The following TTLL11 variants were observed in gnomAD, a reference collection of about 807,000 sequenced individuals.
TTLL11 encodes tubulin polyglutamylase TTLL11.
A neutral mutation model predicts 51.7 loss-of-function variants in TTLL11; 42 were observed. The ratio of observed to expected loss-of-function variants is 0.81; its 90% CI spans 0.64 to 1.05. The LOEUF (loss-of-function observed/expected upper bound fraction) is 1.05, where lower values mean the gene tolerates loss of function less well. TTLL11 is among the 50% of genes least tolerant of loss of function. The pLI, the probability that TTLL11 is intolerant of heterozygous loss-of-function variation, is 0.00. For missense variants in TTLL11, 799 were observed against 940.4 expected, an observed-to-expected ratio of 0.85 and a Z score of 1.97; for synonymous variants, 381 against 383.5, an observed-to-expected ratio of 0.99 and a Z score of 0.08.
chr9:121,935,038 T>C (rs1033045754), intron 6 of TTLL11, among the ~76,000 whole-genome samples: 2 of 152,188 alleles, frequency 1.3e-5, no homozygotes, highest in South Asian at 4.1e-4. Flanking sequence ...CACTGCAACC[T>C]CCACCTCCTG....
chr9:122,068,229 T>C (rs912115150), intron 1 of TTLL11, among the ~76,000 whole-genome samples: 5 of 151,900 alleles, frequency 3.3e-5, no homozygotes, highest in Admixed American at 1.3e-4. Flanking sequence ...CAGAATCGAG[T>C]GGATTATATT....
intron 1 of TTLL11, among the ~76,000 whole-genome samples, chr9:122,063,572 G>A (rs897456397): frequency 2.6e-5 from 4 of 152,160 alleles, no homozygotes; most frequent in Non-Finnish European, 4.4e-5. Context: ...CCTGTATTTC[G>A]TTTAGTGGCT....
At chr9:121,825,183 T>C (rs922454516) in intron 8 of TTLL11, among the ~76,000 whole-genome samples, 2 of 152,102 alleles carry the variant, frequency 1.3e-5, no homozygotes, top group African/African-American at 4.8e-5. Context: ...AGGCCTCTCA[T>C]AGGGTGGGCG....
chr9:122,014,366 A>G (rs1843903775), intron 3 of TTLL11, among the ~76,000 whole-genome samples: 1 of 152,180 alleles, frequency 6.6e-6, no homozygotes, highest in Non-Finnish European at 1.5e-5. Context: ...CTGTCTCAAA[A>G]AAATAAAAAT....
intron 4 of TTLL11, chr9:121,988,939 C>T (rs1843011517): frequency 2.7e-6 from 2 of 745,786 alleles, no homozygotes; most frequent in Non-Finnish European, 2.0e-6. Context: ...TTAATTCTTA[C>T]AAGAACCTTT....
intron 6 of TTLL11, among the ~76,000 whole-genome samples, chr9:121,965,631 T>C (rs1224752442): frequency 1.3e-5 from 2 of 152,186 alleles, no homozygotes; most frequent in African/African-American, 4.8e-5. Flanking sequence ...AGTGCACACA[T>C]GAATGGGCCA....
intron 1 of TTLL11, among the ~76,000 whole-genome samples, chr9:122,082,649 T>C (rs1003120336): frequency 1.3e-5 from 2 of 152,152 alleles, no homozygotes; most frequent in East Asian, 1.9e-4. Context: ...AATGAATCTA[T>C]ATATATTAAC....
At chr9:121,999,670 TA>T (rs1324482035) in intron 3 of TTLL11, among the ~76,000 whole-genome samples, 3 of 152,184 alleles carry the variant, frequency 2.0e-5, no homozygotes, top group Non-Finnish European at 4.4e-5. Flanking sequence ...CCCTGTGAGA[TA>T]GGCATTAAAG....
intron 8 of TTLL11, among the ~76,000 whole-genome samples, chr9:121,824,837 G>C (rs542981047): frequency 1.3e-5 from 2 of 152,216 alleles, no homozygotes; most frequent in Admixed American, 6.5e-5. Context: ...CTGGCACTGG[G>C]GGCAGCAGCC....
intron 6 of TTLL11, chr9:121,884,716 GA>G (rs1190415856): frequency 6.6e-6 from 1 of 152,186 alleles, no homozygotes; most frequent in Non-Finnish European, 1.5e-5. Context: ...GTTCAAACCA[GA>G]AGAGGGAACA....
At chr9:122,086,490 G>T (rs1025903295) in intron 1 of TTLL11, among the ~76,000 whole-genome samples, 3 of 152,024 alleles carry the variant, frequency 2.0e-5, no homozygotes, top group Non-Finnish European at 2.9e-5. Context: ...AAATAGAAAG[G>T]GAGGAAAGAT....
At chr9:122,036,654 T>A (rs1588227345) in intron 2 of TTLL11, among the ~76,000 whole-genome samples, 1 of 152,244 alleles carries the variant, frequency 6.6e-6, no homozygotes, top group East Asian at 1.9e-4. Flanking sequence ...CCGTTCTCAG[T>A]TGACCCAGCA....
intron 6 of TTLL11, among the ~76,000 whole-genome samples, chr9:121,881,079 A>G (rs1401434598): frequency 6.6e-6 from 1 of 152,230 alleles, no homozygotes; most frequent in Non-Finnish European, 1.5e-5. Context: ...GAGACTGTCT[A>G]TATGACAACT....
At position 121,984,028 on chromosome 9, in the gene TTLL11, G is replaced by C. The variant is rs775134559; in HGVS notation, c.1269+5167C>G. On this transcript the variant is annotated intron_variant, in intron 4 of 8. Coordinates refer to ENST00000321582, the MANE Select transcript of TTLL11 (RefSeq NM_001139442.2). ...TTCAAGAAACAGCAAGAATGAGAGA[G>C]AGCATGCCAGGTCAGCCGAGACAGA... is the stretch of plus-strand genomic sequence containing the variant. 6.6e-5 allele frequency among the ~76,000 whole-genome samples: 10 copies of C among 152,294 alleles called. 1 individual carries two copies. The highest frequency in any genetic ancestry group is 6.8e-3 in the Middle Eastern group (2 of 294).
In TTLL11 at chr9:122,089,661, T is replaced by C. The variant is rs541999782; in HGVS notation, c.462+3026A>G. 2.0e-5 allele frequency among the ~76,000 whole-genome samples: 3 copies of C among 152,336 alleles called. No homozygotes were observed. In the East Asian group the frequency reaches 5.8e-4, roughly 29 times the overall value. On this transcript the variant is annotated intron_variant, in intron 1 of 8. Coordinates refer to ENST00000321582, the MANE Select transcript of TTLL11 (RefSeq NM_001139442.2). Reference sequence around the variant, plus strand: ...TTTATTGAGCACCTAGAATATGCTGTGCATTAGGGACATAAGTCAGATACC... The same window carrying C: ...TTTATTGAGCACCTAGAATATGCTGCGCATTAGGGACATAAGTCAGATACC...
intron 6 of TTLL11, among the ~76,000 whole-genome samples, chr9:121,876,194 T>A (rs982052516): frequency 1.3e-5 from 2 of 152,244 alleles, no homozygotes; most frequent in East Asian, 1.9e-4. Context: ...GTTCACTATA[T>A]AGCTTTTGTG....
At chr9:122,088,468 A>G (rs1471181812) in intron 1 of TTLL11, among the ~76,000 whole-genome samples, 2 of 152,236 alleles carry the variant, frequency 1.3e-5, no homozygotes, top group African/African-American at 4.8e-5. Context: ...AATGGAATGC[A>G]TATTTCAAAT....
rs577895749 is a variant in TTLL11, at chr9:121,818,448, G to C, written c.*4139C>G. 1 of 152,164 alleles carries C rather than the reference G, an allele frequency of 6.6e-6. No individual in the cohort carries two copies. Among genetic ancestry groups the C allele is most frequent in the African/African-American group, 2.4e-5 (1 of 41,362 alleles). 9.4% of individuals were successfully genotyped at this position (152,164 alleles called of 1,614,324 possible). A position where few individuals can be genotyped will look rare whatever the true frequency, so the allele number is the denominator to read the frequency against. ...TCTCCTCTCCCGGGTTCTGCTAAAC[G>C]TTCCTATTCACAGCAAGCACCTGCT... is the stretch of plus-strand genomic sequence containing the variant. On this transcript the variant is annotated 3_prime_UTR_variant, in exon 9 of 9. Transcript: ENST00000321582.
intron 6 of TTLL11, among the ~76,000 whole-genome samples, chr9:121,917,544 A>AG (rs1437888056): frequency 4.8e-4 from 65 of 136,016 alleles, no homozygotes; most frequent in Middle Eastern, 3.6e-3. Flanking sequence ...GAAGGAAGGA[A>AG]GAAAAAGAAA....
Sources: gnomAD v4.1 joint callset for allele counts (sites outside exome capture counted in the v4.1 genomes callset) on GRCh38, gnomAD v4.1.1 for gene constraint, MANE v1.5 for transcripts, NCBI Gene and HGNC (gene_info 2026-07-23, HGNC 2026-07-21) for gene names.